The following PAX6 variants were observed in gnomAD, a reference collection of about 807,000 sequenced individuals.
PAX6 encodes the protein paired box 6.
Under a neutral mutation model 60.7 loss-of-function variants are expected in PAX6, and 7 were observed. That is an observed-to-expected ratio of 0.12 (90% confidence interval 0.07 to 0.22). PAX6 has a LOEUF of 0.22. PAX6 is among the 10% of genes least tolerant of loss of function. The pLI, the probability that PAX6 is intolerant of heterozygous loss-of-function variation, is 1.00. For synonymous variants in PAX6, 208 were observed against 201.2 expected (o/e 1.03, Z -0.29); for missense variants, 355 against 555.2 (o/e 0.64, Z 3.62).
At chr11:31,801,254 A>G in intron 7 of PAX6, 2 of 1,376,792 alleles carry the variant, frequency 1.5e-6, no homozygotes, top group Non-Finnish European at 1.9e-6. Flanking sequence ...TGGCAGGTGG[A>G]TTAGGACGAA....
chr11:31,790,738 T>C lies in PAX6; in HGVS notation c.1197A>G (p.Pro399=). ...PHMQTHMNSQ[P]MGTSGTTSTG... ...TTGAAGTGGTGCCCGAGGTGCCCAT[T>C]GGCTGACTGTTCATGTGTGTCTGCA... is the stretch of plus-strand genomic sequence containing the variant. Residue 399 remains proline, a synonymous_variant, in exon 13 of 14, where the codon CCA becomes CCG. Transcript: ENST00000640368. The C allele has an allele frequency of 6.2e-7, 1 of 1,614,078 alleles. No individual in the cohort carries two copies. Among genetic ancestry groups the C allele is most frequent in the Non-Finnish European group, 8.5e-7 (1 of 1,180,008 alleles).
Position 31,811,201 on chromosome 11 carries a change from G to A in PAX6, c.-403C>T. 1 of 399,356 alleles carries A rather than the reference G, an allele frequency of 2.5e-6. No individual in the cohort carries two copies. The highest frequency in any genetic ancestry group is 4.4e-6 in the Non-Finnish European group (1 of 226,312). 24.7% of individuals were successfully genotyped at this position (399,356 alleles called of 1,614,324 possible). A position where few individuals can be genotyped will look rare whatever the true frequency, so the allele number is the denominator to read the frequency against. ...TCCACCGCTCCTCACTGGCCCATTA[G>A]CGAAGCCTGACCTCTGTCATCATCC... On this transcript the variant is annotated 5_prime_UTR_variant, in exon 1 of 14. Coordinates refer to ENST00000640368, the MANE Select transcript of PAX6 (RefSeq NM_001368894.2).
At chr11:31,795,781 G>A (rs1951290240) in intron 8 of PAX6, among the ~76,000 whole-genome samples, 1 of 152,256 alleles carries the variant, frequency 6.6e-6, no homozygotes, top group South Asian at 2.1e-4. Context: ...CACCTTGCCT[G>A]TAAGGCCACA....
upstream of PAX6, chr11:31,811,630 C>G (rs1163616413): frequency 6.1e-6 from 1 of 165,272 alleles, no homozygotes; most frequent in Non-Finnish European, 1.3e-5. Flanking sequence ...GGTCGCGCCC[C>G]CACTCCCCCT....
At chr11:31,808,494 C>CT (rs1339543644) in intron 2 of PAX6, 7 of 152,264 alleles carry the variant, frequency 4.6e-5, no homozygotes, top group Non-Finnish European at 1.0e-4. Flanking sequence ...ATGCAGGACC[C>CT]TGAAGCTGCA....
At chr11:31,795,789 A>G (rs1176443349) in intron 8 of PAX6, among the ~76,000 whole-genome samples, 2 of 152,272 alleles carry the variant, frequency 1.3e-5, no homozygotes, top group Non-Finnish European at 2.9e-5. Flanking sequence ...CTGTAAGGCC[A>G]CAGTGAAGGG....
chr11:31,808,414 C>A (rs1956345265), intron 2 of PAX6: 1 of 152,342 alleles, frequency 6.6e-6, no homozygotes, highest in African/African-American at 2.4e-5. Context: ...TCTCTCAGTC[C>A]CGGCACCCAT....
chr11:31,794,417 A>T, intron 9 of PAX6: 1 of 580,882 alleles, frequency 1.7e-6, no homozygotes. Context: ...ACACACACAC[A>T]CACCACACAC....
Position 31,790,010 on chromosome 11 carries a change from G to T in PAX6, c.1235C>A (p.Ser412Tyr). 1 of 1,529,572 alleles carries T rather than the reference G, an allele frequency of 6.5e-7. No homozygotes were observed. Among genetic ancestry groups the T allele is most frequent in the Non-Finnish European group, 8.8e-7 (1 of 1,138,894 alleles). The allele number at this position is 1,529,572 out of a possible 1,614,324, so 94.8% of individuals were successfully genotyped here. The change falls in exon 14 of 14, where the codon TCC becomes TAC. Residue 412 changes from serine to tyrosine, a missense_variant. Physicochemically the swap from Ser to Tyr is moderately radical, Grantham distance 144 (BLOSUM62 -2). Coordinates refer to ENST00000640368, the MANE Select transcript of PAX6 (RefSeq NM_001368894.2). ...TSGTTSTGLI[S>Y]PGVSVPVQVP... The stretch of plus-strand genomic sequence containing the variant: ...TTGAACTGGAACTGACACACCAGGG[G>T]AAATGAGTCCTAGAAGTGGATGAAA...
In PAX6 at chr11:31,789,294, G is replaced by A. The variant is rs908234787; in HGVS notation, c.*640C>T. ...GACATAAAACAAATTGGATTATATC[G>A]AAGACACACTCTACCTTTTAGCTAT... On this transcript the variant is annotated 3_prime_UTR_variant, in exon 14 of 14. Transcript: ENST00000640368. 4.8e-5 allele frequency: 11 copies of A among 231,112 alleles called. No individual in the cohort carries two copies. The highest frequency in any genetic ancestry group is 3.9e-4 in the Admixed American group (7 of 17,844). The allele number at this position is 231,112 out of a possible 1,614,324, so 14.3% of individuals were successfully genotyped here.
chr11:31,794,414 C>A (rs1365862130), intron 9 of PAX6: 3 of 528,762 alleles, frequency 5.7e-6, no homozygotes, highest in Admixed American at 6.8e-5. Context: ...AACACACACA[C>A]ACACACCACA....
At chr11:31,814,655 A>G (rs1468275697), upstream of PAX6, 1 of 152,320 alleles carries the variant, frequency 6.6e-6, no homozygotes, top group Non-Finnish European at 1.5e-5. Context: ...TTGTCCGCGG[A>G]GCTGGCAAAC....
At position 31,801,765 on chromosome 11, in the gene PAX6, T is replaced by C; in HGVS notation, c.195A>G (p.Gly65=). The change falls in exon 7 of 14, where the codon GGA becomes GGG. Residue 65 remains glycine (G), a synonymous_variant. Transcript: ENST00000640368. The part of the protein sequence containing the change: ...QVLDNQNVSN[G]CVSKILGRYY... ...ACCTGCCCAGAATTTTACTCACACA[T>C]CCGTTGGACACCTGCATAGGGGAAG... is the stretch of plus-strand genomic sequence containing the variant. 1.2e-6 allele frequency: 2 copies of C among 1,613,722 alleles called. No homozygotes were observed. The highest frequency in any genetic ancestry group is 1.7e-6 in the Non-Finnish European group (2 of 1,179,900).
At chr11:31,815,762 C>A (rs1957348014), upstream of PAX6, among the ~76,000 whole-genome samples, 2 of 138,294 alleles carry the variant, frequency 1.4e-5, no homozygotes, top group African/African-American at 5.5e-5. Flanking sequence ...TATTTGTCAG[C>A]GCTATCTCCA....
intron 8 of PAX6, among the ~76,000 whole-genome samples, chr11:31,795,662 C>T (rs565750357): frequency 6.6e-6 from 1 of 152,250 alleles, no homozygotes; most frequent in Non-Finnish European, 1.5e-5. Context: ...TAGGGCATTT[C>T]CACCACTTTG....
chr11:31,805,837 G>GT (rs1336369180), intron 4 of PAX6: 1 of 153,424 alleles, frequency 6.5e-6, no homozygotes, highest in Non-Finnish European at 1.5e-5. Context: ...CCCGCGCCCT[G>GT]TAACAGCGAG....
Position 31,789,668 on chromosome 11 carries a change from C to T in PAX6, c.*266G>A, listed in dbSNP as rs1476022065. ...TTTTTCATTATAACATACAAATGCC[C>T]ATTTACAAATAATACACCAAAATGA... On this transcript the variant is annotated 3_prime_UTR_variant, in exon 14 of 14. Coordinates refer to ENST00000640368, the MANE Select transcript of PAX6 (RefSeq NM_001368894.2). The T allele has an allele frequency of 4.3e-6, 3 of 701,332 alleles. No individual in the cohort carries two copies. In the African/African-American group the frequency reaches 5.3e-5, roughly 12 times the overall value. 43.4% of individuals were successfully genotyped at this position (701,332 alleles called of 1,614,324 possible).
intron 8 of PAX6, among the ~76,000 whole-genome samples, chr11:31,797,711 T>C (rs1952066293): frequency 6.6e-6 from 1 of 152,152 alleles, no homozygotes. Context: ...CCCCCCACTT[T>C]AGTGGATTTG....
upstream of PAX6, chr11:31,813,199 T>G (rs1346824250): frequency 3.3e-5 from 5 of 152,026 alleles, no homozygotes; most frequent in Non-Finnish European, 5.9e-5. Context: ...CGCGGCCTCC[T>G]GGGCGAGGTT....
Sources: gnomAD v4.1 joint callset for allele counts (sites outside exome capture counted in the v4.1 genomes callset) on GRCh38, gnomAD v4.1.1 for gene constraint, MANE v1.5 for transcripts, NCBI Gene and HGNC (gene_info 2026-07-23, HGNC 2026-07-21) for gene names.